The following TRIM14 variants were observed in gnomAD, a reference collection of about 807,000 sequenced individuals.
TRIM14 encodes tripartite motif-containing protein 14.
In TRIM14, 28 loss-of-function variants were observed where a neutral mutation model predicts 44.5. That is an observed-to-expected ratio of 0.63 (90% CI 0.47 to 0.86). The LOEUF (loss-of-function observed/expected upper bound fraction) is 0.86. Among genes scored for constraint, TRIM14 ranks in the 40% least tolerant of loss-of-function variants. The pLI, the probability that TRIM14 is intolerant of heterozygous loss-of-function variation, is 0.00. For missense variants in TRIM14, 607 were observed against 611.1 expected, an observed-to-expected ratio of 0.99 and a Z score of 0.07; for synonymous variants, 299 against 269.2, an observed-to-expected ratio of 1.11 and a Z score of -1.08.
intron 5 of TRIM14, among the ~76,000 whole-genome samples, chr9:98,089,148 C>T (rs1825910326): frequency 6.6e-6 from 1 of 152,086 alleles, no homozygotes; most frequent in Non-Finnish European, 1.5e-5. Flanking sequence ...CCCCCTTTTT[C>T]TCCTGTCTCC....
At chr9:98,097,986 C>G (rs183838416) in intron 3 of TRIM14, among the ~76,000 whole-genome samples, 1 of 152,190 alleles carries the variant, frequency 6.6e-6, no homozygotes, top group East Asian at 1.9e-4. Context: ...CAGGCTGAAC[C>G]GACTGAGGCC....
chr9:98,092,374 C>T, intron 4 of TRIM14: 1 of 214,608 alleles, frequency 4.7e-6, no homozygotes, highest in South Asian at 5.3e-5. Context: ...CAAGCGGGCA[C>T]AGCAGGGGCA....
Position 98,095,236 on chromosome 9 carries a change from G to A in TRIM14, c.538-207C>T, listed in dbSNP as rs545561697. Among the ~76,000 whole-genome samples the A allele has an allele frequency of 9.8e-5, 15 of 152,332 alleles. 1 individual carries two copies. Among genetic ancestry groups the A allele is most frequent in the Admixed American group, 7.8e-4 (12 of 15,306 alleles). On this transcript the variant is annotated intron_variant, in intron 3 of 5. Coordinates refer to ENST00000341469, the MANE Select transcript of TRIM14 (RefSeq NM_014788.4). This position sits in a 1 kb window ranked among gnomAD's most constrained non-coding sequence, Gnocchi z 4.1. ...TGAGGTGGGAGCCATGCGGAGGTGC[G>A]GTTTTTCAGTGCTGGCACTGGGGAT...
At chr9:98,111,485 GGAGGAT>G (rs1826852548) in intron 1 of TRIM14, among the ~76,000 whole-genome samples, 1 of 152,114 alleles carries the variant, frequency 6.6e-6, no homozygotes, top group African/African-American at 2.4e-5. Context: ...CAGCTGCTTG[GGAGGAT>G]GACATTCACA....
At chr9:98,096,280 C>T (rs953079619) in intron 3 of TRIM14, among the ~76,000 whole-genome samples, 1 of 152,150 alleles carries the variant, frequency 6.6e-6, no homozygotes, top group Non-Finnish European at 1.5e-5. Context: ...CTATAGAGTC[C>T]AACCTCATTT....
the TRIM14 span, among the ~76,000 whole-genome samples, chr9:98,044,021 T>C: frequency 6.6e-6 from 1 of 151,398 alleles, no homozygotes; most frequent in African/African-American, 2.4e-5. Context: ...TTTTTTTTTT[T>C]TTTCTTAAAA....
the TRIM14 span, among the ~76,000 whole-genome samples, chr9:98,063,091 A>AT: frequency 1.7e-4 from 26 of 149,606 alleles, no homozygotes; most frequent in Middle Eastern, 0.011. Flanking sequence ...GGCCTGGCTG[A>AT]TTTTTTTTGT....
At chr9:98,105,601 AAAAC>A (rs772206985) in intron 2 of TRIM14, among the ~76,000 whole-genome samples, 23 of 152,260 alleles carry the variant, frequency 1.5e-4, no homozygotes, top group East Asian at 7.7e-4. Flanking sequence ...AACAAACAAA[AAAAC>A]AAACAAACAA....
chr9:98,117,975 G>T (rs775605752), intron 1 of TRIM14, among the ~76,000 whole-genome samples: 16 of 152,148 alleles, frequency 1.1e-4, no homozygotes, highest in Non-Finnish European at 2.2e-4. Flanking sequence ...GACAGGTCTT[G>T]AGCCCACGAC....
chr9:98,044,062 G>A, the TRIM14 span, among the ~76,000 whole-genome samples: 2 of 139,606 alleles, frequency 1.4e-5, no homozygotes, highest in African/African-American at 2.7e-5. Flanking sequence ...TAGGGCTTTT[G>A]TGGAGTGGGT....
At chr9:98,076,535 C>T (rs1829600243) in intron 6 of TRIM14, 3 of 193,738 alleles carry the variant, frequency 1.5e-5, no homozygotes, top group South Asian at 8.4e-5. Context: ...CCACCACACC[C>T]GGCTAATTTT....
chr9:98,090,889 A>T (rs1393014119), intron 5 of TRIM14, among the ~76,000 whole-genome samples: 2 of 152,140 alleles, frequency 1.3e-5, no homozygotes, highest in South Asian at 4.1e-4. Flanking sequence ...TAGCCTTTGT[A>T]TGGAAAATGT....
chr9:98,040,209 C>G, the TRIM14 span, among the ~76,000 whole-genome samples: 3 of 152,180 alleles, frequency 2.0e-5, no homozygotes, highest in Non-Finnish European at 4.4e-5. Context: ...AACCCCTCAA[C>G]TCTTTGGATT....
chr9:98,044,588 G>A, the TRIM14 span, among the ~76,000 whole-genome samples: 1 of 151,890 alleles, frequency 6.6e-6, no homozygotes, highest in African/African-American at 2.4e-5. Flanking sequence ...TGGCCAGGAT[G>A]GTCTTGATCT....
chr9:98,049,342 A>C, the TRIM14 span, among the ~76,000 whole-genome samples: 1 of 28,116 alleles, frequency 3.6e-5, no homozygotes, highest in South Asian at 6.1e-4. Flanking sequence ...ACTCTGCATA[A>C]AAAAAAAAAA....
At chr9:98,063,593 G>A in the TRIM14 span, among the ~76,000 whole-genome samples, 1 of 151,838 alleles carries the variant, frequency 6.6e-6, no homozygotes, top group Non-Finnish European at 1.5e-5. Flanking sequence ...CCATGCTGGA[G>A]TGCAACGATG....
chr9:98,069,567 C>G (rs2131633764), exon 7 of TRIM14: 1 of 152,438 alleles, frequency 6.6e-6, no homozygotes, highest in South Asian at 2.1e-4. Flanking sequence ...CCACCGCGCC[C>G]AGCCAGGAAT....
At chr9:98,081,886 A>G (rs1829879120), downstream of TRIM14, 1 of 152,220 alleles carries the variant, frequency 6.6e-6, no homozygotes, top group Non-Finnish European at 1.5e-5. Context: ...AAAAAGAAAT[A>G]GTTTCTTTAT....
At chr9:98,083,261 A>T (rs781155907), downstream of TRIM14, among the ~76,000 whole-genome samples, 1 of 152,180 alleles carries the variant, frequency 6.6e-6, no homozygotes, top group Non-Finnish European at 1.5e-5. Flanking sequence ...TCTCTCCTTC[A>T]AGTTGGCCAG....
Sources: gnomAD v4.1 joint callset for allele counts (sites outside exome capture counted in the v4.1 genomes callset) on GRCh38, gnomAD v4.1.1 for gene constraint, Gnocchi (gnomAD v3.1) non-coding constraint, MANE v1.5 for transcripts, NCBI Gene and HGNC (gene_info 2026-07-23, HGNC 2026-07-21) for gene names.